CYTH3: variants seen among roughly 807,000 people sequenced by gnomAD.
The protein encoded by CYTH3 is cytohesin 3.
CYTH3 carries 23 observed loss-of-function variants against 55.1 expected under a neutral mutation model. That is an observed-to-expected ratio of 0.42 (90% CI 0.30 to 0.59). CYTH3 has a LOEUF of 0.59. Among genes scored for constraint, CYTH3 ranks in the 20% least tolerant of loss-of-function variants. The probability of loss-of-function intolerance (pLI) is 0.20; values close to 1 mark genes in which losing one functional copy is unlikely to be tolerated. For synonymous variants in CYTH3, 249 were observed against 194.9 expected (o/e 1.28, Z -2.31); for missense variants, 413 against 524.8 (o/e 0.79, Z 2.08).
At chr7:6,190,614 C>A (rs1014214879) in intron 1 of CYTH3, 83 bp from the exon 2 acceptor site, 2 of 1,025,168 alleles carry the variant, frequency 2.0e-6, no homozygotes, top group East Asian at 5.4e-5. Flanking sequence ...CATGCTGCCA[C>A]CCAGCAATTC....
chr7:6,221,917 A>T (rs1784562525), intron 1 of CYTH3, among the ~76,000 whole-genome samples: 1 of 152,242 alleles, frequency 6.6e-6, no homozygotes, highest in Non-Finnish European at 1.5e-5. Context: ...GTGCCACTGC[A>T]CTCCAGCATG....
intron 3 of CYTH3, 120 bp from the exon 4 acceptor site, chr7:6,187,236 C>G: frequency 9.5e-7 from 1 of 1,056,210 alleles, no homozygotes; most frequent in Non-Finnish European, 1.4e-6. Context: ...CACAGGCCCT[C>G]ACGGAGGGGC....
At chr7:6,215,126 G>A (rs1784397534) in intron 1 of CYTH3, among the ~76,000 whole-genome samples, 1 of 152,056 alleles carries the variant, frequency 6.6e-6, no homozygotes, top group Admixed American at 6.6e-5. Context: ...ATTTTAAAAC[G>A]CCACTCCACA....
intron 1 of CYTH3, among the ~76,000 whole-genome samples, chr7:6,268,728 T>C (rs1780574027): frequency 6.6e-6 from 1 of 152,214 alleles, no homozygotes; most frequent in African/African-American, 2.4e-5. Flanking sequence ...CTGTAATTTT[T>C]AAAGCTACTG....
intron 1 of CYTH3, among the ~76,000 whole-genome samples, chr7:6,204,537 G>A (rs1474889291): frequency 2.6e-5 from 4 of 152,296 alleles, no homozygotes; most frequent in Non-Finnish European, 2.9e-5. Context: ...TCTAGTGTTC[G>A]TTCTCTAGAT....
chr7:6,204,114 G>C (rs1280303179), intron 1 of CYTH3, among the ~76,000 whole-genome samples: 1 of 151,636 alleles, frequency 6.6e-6, no homozygotes, highest in Non-Finnish European at 1.5e-5. Context: ...AAGATTCTAA[G>C]TGAGAAGGAT....
chr7:6,262,802 C>T (rs1329428061), intron 1 of CYTH3, among the ~76,000 whole-genome samples: 1 of 152,208 alleles, frequency 6.6e-6, no homozygotes, highest in Non-Finnish European at 1.5e-5. Context: ...GCCTGTAGTC[C>T]TAGCTACTCG....
chr7:6,272,436 C>T, intron 1 of CYTH3, 38 bp downstream of exon 1: 1 of 1,336,116 alleles, frequency 7.5e-7, no homozygotes, highest in Non-Finnish European at 9.7e-7. Context: ...CCCCCGACCC[C>T]AGGCCGCCGG....
At chr7:6,176,949 T>G (rs1333195055) in intron 5 of CYTH3, among the ~76,000 whole-genome samples, 1 of 152,270 alleles carries the variant, frequency 6.6e-6, no homozygotes, top group African/African-American at 2.4e-5. Flanking sequence ...TGTCAAATGC[T>G]TTTCCTGTAT....
At chr7:6,229,580 T>C (rs1179635566) in intron 1 of CYTH3, among the ~76,000 whole-genome samples, 1 of 144,994 alleles carries the variant, frequency 6.9e-6, no homozygotes, top group Non-Finnish European at 1.5e-5. Context: ...GAGGCCAAGG[T>C]GGGTGGATCA....
intron 10 of CYTH3, 21 bp downstream of exon 10, chr7:6,165,713 G>A (rs1782979382): frequency 6.2e-7 from 1 of 1,613,882 alleles, no homozygotes; most frequent in African/African-American, 1.3e-5. Flanking sequence ...GAGGCGGCAA[G>A]GAGGCCTGGC....
intron 1 of CYTH3, among the ~76,000 whole-genome samples, chr7:6,248,906 A>C (rs1400003795): frequency 6.6e-6 from 1 of 152,208 alleles, no homozygotes; most frequent in Non-Finnish European, 1.5e-5. Context: ...GTAAGAAGTG[A>C]GACAAAGCCT....
At chr7:6,190,338 G>GT in intron 2 of CYTH3, 111 bp downstream of exon 2, 3 of 804,736 alleles carry the variant, frequency 3.7e-6, no homozygotes, top group Non-Finnish European at 1.7e-6. Flanking sequence ...GTTATTTTTT[G>GT]TTTTTGGGTT....
intron 1 of CYTH3, among the ~76,000 whole-genome samples, chr7:6,204,701 C>A (rs1329419724): frequency 6.6e-6 from 1 of 152,180 alleles, no homozygotes; most frequent in Non-Finnish European, 1.5e-5. Flanking sequence ...GAGAGCCAAG[C>A]CAGGGCCCAC....
intron 1 of CYTH3, among the ~76,000 whole-genome samples, chr7:6,223,577 G>A (rs1225186869): frequency 2.0e-5 from 3 of 152,040 alleles, no homozygotes; most frequent in Non-Finnish European, 4.4e-5. Context: ...TCAACTCAGG[G>A]TTAAATGGAT....
chr7:6,187,826 CG>C, intron 2 of CYTH3, 105 bp from the exon 3 acceptor site: 1 of 899,508 alleles, frequency 1.1e-6, no homozygotes, highest in Non-Finnish European at 1.9e-6. Context: ...GCGGTCTCAC[CG>C]GAGCATCACA....
rs544703149 is a variant in CYTH3 at position 6,177,226 on chromosome 7, T to TA, written c.368+596dup. Among the ~76,000 whole-genome samples, 866 of 152,340 alleles carry TA rather than the reference T, an allele frequency of 5.7e-3. 3 individuals carry two copies. Among genetic ancestry groups the TA allele is most frequent in the Non-Finnish European group, 0.01 (693 of 68,036 alleles). ...TCCACTTTCGATCAAATATTTTTTT[T>TA]AAAAAAGCTAAAAACCAAAACCGCC... is the stretch of plus-strand genomic sequence containing the variant. On this transcript the variant is annotated intron_variant, in intron 5 of 12. Transcript: ENST00000350796.
intron 1 of CYTH3, among the ~76,000 whole-genome samples, chr7:6,224,975 T>A (rs974864665): frequency 1.1e-4 from 16 of 152,212 alleles, no homozygotes; most frequent in Non-Finnish European, 1.5e-4. Flanking sequence ...ATTCTATTTA[T>A]GTTAAATATC....
intron 1 of CYTH3, among the ~76,000 whole-genome samples, chr7:6,216,564 C>T (rs1262629384): frequency 1.3e-5 from 2 of 151,614 alleles, no homozygotes; most frequent in Non-Finnish European, 2.9e-5. Flanking sequence ...CACCGCAAGA[C>T]CCCATCTCTA....
Sources: gnomAD v4.1 joint callset for allele counts (sites outside exome capture counted in the v4.1 genomes callset) on GRCh38, gnomAD v4.1.1 for gene constraint, MANE v1.5 for transcripts, NCBI Gene and HGNC (gene_info 2026-07-23, HGNC 2026-07-21) for gene names.